Variants in BCL2L1 observed in about 807,000 individuals in gnomAD.
BCL2L1 encodes bcl-2-like protein 1.
A neutral mutation model predicts 18.7 loss-of-function variants in BCL2L1; 1 was observed. The observed-to-expected ratio is 0.05, with a 90% CI of 0.02 to 0.25. The LOEUF is 0.25. BCL2L1 is among the 10% of genes least tolerant of loss of function. The pLI is 1.00. For synonymous variants in BCL2L1, 103 were observed against 122.7 expected (o/e 0.84, Z 1.06); for missense variants, 207 against 304.9 (o/e 0.68, Z 2.39).
chr20:31,682,747 G>A (rs527422313), intron 2 of BCL2L1, among the ~76,000 whole-genome samples: 1 of 152,180 alleles, frequency 6.6e-6, no homozygotes, highest in South Asian at 2.1e-4. Flanking sequence ...GAGCCACTGT[G>A]CCTGGCCTAC....
At chr20:31,670,565 T>TG (rs1212261372) in intron 2 of BCL2L1, among the ~76,000 whole-genome samples, 2 of 152,204 alleles carry the variant, frequency 1.3e-5, no homozygotes, top group Non-Finnish European at 2.9e-5. Flanking sequence ...CAGTCATTCC[T>TG]GGGTGGAGGG....
intron 2 of BCL2L1, among the ~76,000 whole-genome samples, chr20:31,683,963 C>A (rs2060911761): frequency 6.6e-6 from 1 of 152,070 alleles, no homozygotes; most frequent in South Asian, 2.1e-4. Context: ...AGATGGAAAT[C>A]AACATAAAAT....
rs567783119 is a variant in BCL2L1, at chr20:31,704,803, C to T, written c.564+16852G>A. Among the ~76,000 whole-genome samples, 5 of 152,318 alleles carry T rather than the reference C, an allele frequency of 3.3e-5. No individual in the cohort carries two copies. In the South Asian group the frequency reaches 1.0e-3, roughly 32 times the overall value. On this transcript the variant is annotated intron_variant, in intron 2 of 2. Transcript: ENST00000307677. ...ACAGGCATAGCTGTACTTTGCATTC[C>T]TCCTAGGATTTAGTTCAAAGCTAGC...
At chr20:31,723,127 C>T (rs2061664592), upstream of BCL2L1, 1 of 209,080 alleles carries the variant, frequency 4.8e-6, no homozygotes. Context: ...GGGGAAACTG[C>T]CTCAGATCTG....
intron 2 of BCL2L1, among the ~76,000 whole-genome samples, chr20:31,719,066 A>T (rs1463749636): frequency 6.6e-6 from 1 of 152,220 alleles, no homozygotes; most frequent in Non-Finnish European, 1.5e-5. Context: ...TCATGTGTAA[A>T]CTGGGAATAA....
intron 2 of BCL2L1, among the ~76,000 whole-genome samples, chr20:31,719,026 C>T (rs954519082): frequency 6.6e-6 from 1 of 152,178 alleles, no homozygotes; most frequent in African/African-American, 2.4e-5. Flanking sequence ...TGAGGGACAC[C>T]TGGGGTCAGT....
intron 2 of BCL2L1, among the ~76,000 whole-genome samples, chr20:31,694,834 T>G (rs935936405): frequency 6.6e-6 from 1 of 152,008 alleles, no homozygotes; most frequent in African/African-American, 2.4e-5. Flanking sequence ...CCCAGGAAGA[T>G]AGAGGCGGGA....
chr20:31,723,395 GACCACGTTTT>G, upstream of BCL2L1: 1 of 985,514 alleles, frequency 1.0e-6, no homozygotes, highest in African/African-American at 1.7e-5. Context: ...CCACAGCTGA[GACCACGTTTT>G]CCTGGGGACA....
At chr20:31,667,769 G>C (rs2060609908) in intron 2 of BCL2L1, among the ~76,000 whole-genome samples, 1 of 152,114 alleles carries the variant, frequency 6.6e-6, no homozygotes, top group South Asian at 2.1e-4. Flanking sequence ...CCCTCCAGCA[G>C]CATTCTCCTG....
At position 31,712,946 on chromosome 20, in the gene BCL2L1, G is replaced by A. The variant is rs544961592; in HGVS notation, c.564+8709C>T. On this transcript the variant is annotated intron_variant, in intron 2 of 2. Transcript: ENST00000307677. ...TAGCTTCCTCCTCAAAGGTGACTGG[G>A]GGAGGGGAAGGCAGGCTCTGTTTCA... 6.6e-5 allele frequency among the ~76,000 whole-genome samples: 10 copies of A among 152,252 alleles called. No homozygotes were observed. The South Asian group carries it at 8.3e-4, about 13-fold the overall frequency.
chr20:31,713,438 C>T (rs547813134), intron 2 of BCL2L1: 1 of 985,372 alleles, frequency 1.0e-6, no homozygotes, highest in South Asian at 4.7e-5. Flanking sequence ...AGTTTCCACA[C>T]TCTTGCCGGC....
chr20:31,669,384 C>T (rs533356402), intron 2 of BCL2L1, among the ~76,000 whole-genome samples: 1 of 151,836 alleles, frequency 6.6e-6, no homozygotes, highest in Non-Finnish European at 1.5e-5. Context: ...ATTTTTCCCC[C>T]ATTAAGCTGT....
At chr20:31,696,208 A>G (rs1281297537) in intron 2 of BCL2L1, among the ~76,000 whole-genome samples, 2 of 152,244 alleles carry the variant, frequency 1.3e-5, no homozygotes, top group Non-Finnish European at 2.9e-5. Flanking sequence ...ACAGGAATGC[A>G]ATAAATACTT....
intron 2 of BCL2L1, among the ~76,000 whole-genome samples, chr20:31,678,503 C>T (rs1230987969): frequency 6.6e-6 from 1 of 152,142 alleles, no homozygotes; most frequent in Non-Finnish European, 1.5e-5. Flanking sequence ...TGAGTGACTA[C>T]CAGGGTTCTC....
At chr20:31,669,784 A>C (rs1470156394) in intron 2 of BCL2L1, among the ~76,000 whole-genome samples, 1 of 152,042 alleles carries the variant, frequency 6.6e-6, no homozygotes, top group Non-Finnish European at 1.5e-5. Flanking sequence ...TCTCGTTCCT[A>C]TACACCCAGT....
intron 2 of BCL2L1, among the ~76,000 whole-genome samples, chr20:31,675,588 G>T (rs1429303347): frequency 1.3e-5 from 2 of 152,196 alleles, no homozygotes; most frequent in Admixed American, 1.3e-4. Context: ...GAAGAACATG[G>T]CCTTTCTCCT....
intron 2 of BCL2L1, among the ~76,000 whole-genome samples, chr20:31,679,270 G>A (rs1246228008): frequency 6.6e-6 from 1 of 152,198 alleles, no homozygotes; most frequent in Non-Finnish European, 1.5e-5. Flanking sequence ...CCACCACCAG[G>A]AGGCCTGGAA....
chr20:31,688,313 G>T (rs951888083), intron 2 of BCL2L1, among the ~76,000 whole-genome samples: 3 of 151,790 alleles, frequency 2.0e-5, no homozygotes, highest in Non-Finnish European at 2.9e-5. Context: ...GCAAGGTGGT[G>T]GGCACCTGTA....
At chr20:31,714,157 T>A (rs981199549) in intron 2 of BCL2L1, among the ~76,000 whole-genome samples, 1 of 152,226 alleles carries the variant, frequency 6.6e-6, no homozygotes, top group African/African-American at 2.4e-5. Flanking sequence ...ATATAACTAA[T>A]GTGAAATATG....
Sources: gnomAD v4.1 joint callset for allele counts (sites outside exome capture counted in the v4.1 genomes callset) on GRCh38, gnomAD v4.1.1 for gene constraint, MANE v1.5 for transcripts, NCBI Gene and HGNC (gene_info 2026-07-23, HGNC 2026-07-21) for gene names.